Variants in ARMC12 observed in about 807,000 individuals in gnomAD.
ARMC12 encodes the protein armadillo repeat-containing protein 12.
ARMC12 carries 25 observed loss-of-function variants against 37.4 expected under a neutral mutation model. The ratio of observed to expected loss-of-function variants is 0.67; its 90% CI spans 0.49 to 0.93. The LOEUF (loss-of-function observed/expected upper bound fraction) is 0.93, where lower values mean the gene tolerates loss of function less well. ARMC12 is among the 40% of genes least tolerant of loss of function. ARMC12 has a pLI of 0.00. For synonymous variants in ARMC12, 167 were observed against 176.1 expected (o/e 0.95, Z 0.41); for missense variants, 384 against 426.6 (o/e 0.90, Z 0.88).
chr6:35,734,652 A>G (rs1309108726), upstream of ARMC12, among the ~76,000 whole-genome samples: 1 of 151,972 alleles, frequency 6.6e-6, no homozygotes, highest in Non-Finnish European at 1.5e-5. Context: ...AATACAAAAA[A>G]TTAGCCTGGT....
chr6:35,738,506 G>A lies in ARMC12; in HGVS notation c.432G>A (p.Arg144=), dbSNP rs143081534. ...LKAFSGIRKF[R]LKIQEHSIKV... ...CTTTCTCTGGCATCAGAAAATTCAG[G>A]CTCAAAATCCAGGTGAGCCCAGGGA... The change falls in exon 3 of 6, where the codon AGG becomes AGA. Residue 144 remains arginine, a synonymous_variant. Coordinates refer to ENST00000373866, the MANE Select transcript of ARMC12 (RefSeq NM_001286574.2). 188 of 1,613,918 alleles carry A rather than the reference G, an allele frequency of 1.2e-4. No homozygotes were observed. Among genetic ancestry groups the A allele is most frequent in the Non-Finnish European group, 1.4e-4 (171 of 1,180,000 alleles).
chr6:35,742,688 A>G (rs1767210700), intron 3 of ARMC12, among the ~76,000 whole-genome samples: 1 of 151,974 alleles, frequency 6.6e-6, no homozygotes, highest in Non-Finnish European at 1.5e-5. Flanking sequence ...CCTTGATCTC[A>G]ATTTCCATCT....
At chr6:35,734,491 G>A (rs187223806), upstream of ARMC12, among the ~76,000 whole-genome samples, 2 of 152,302 alleles carry the variant, frequency 1.3e-5, no homozygotes, top group East Asian at 3.9e-4. Context: ...TCTCAAAATA[G>A]GAGTGACATC....
chr6:35,736,951 C>T, upstream of ARMC12: 1 of 1,158,400 alleles, frequency 8.6e-7, no homozygotes, highest in South Asian at 1.5e-5. Flanking sequence ...ATTTCCTGAC[C>T]ACTGCCCTCC....
Position 35,738,074 on chromosome 6 carries a change from C to A in ARMC12, c.211C>A (p.Arg71=). 2 of 1,613,980 alleles carry A rather than the reference C, an allele frequency of 1.2e-6. No homozygotes were observed. Among genetic ancestry groups the A allele is most frequent in the Non-Finnish European group, 1.7e-6 (2 of 1,180,032 alleles). ...GCACGGGCGGGACTCAGGTGAGCTC[C>A]GGAGGCTCCTCAACTCTTTGGAGTG... ...ERHGRDSGEL[R]RLLNSLECKQ... The change falls in exon 2 of 6, where the codon CGG becomes AGG. Residue 71 remains arginine (R), a synonymous_variant. Coordinates refer to ENST00000373866, the MANE Select transcript of ARMC12 (RefSeq NM_001286574.2).
the ARMC12 span, among the ~76,000 whole-genome samples, chr6:35,731,643 C>T: frequency 7.9e-5 from 12 of 152,170 alleles, no homozygotes; most frequent in African/African-American, 2.7e-4. Flanking sequence ...CTAAGCCCGC[C>T]TGGCCGCCCT....
chr6:35,738,561 G>A (rs772799125), intron 3 of ARMC12, 43 bp downstream of exon 3: 3 of 1,601,054 alleles, frequency 1.9e-6, no homozygotes, highest in Non-Finnish European at 2.6e-6. Flanking sequence ...GATGTCTATA[G>A]TCCTTAAGTC....
intron 3 of ARMC12, among the ~76,000 whole-genome samples, chr6:35,743,497 C>A (rs974354206): frequency 2.6e-5 from 4 of 152,276 alleles, no homozygotes; most frequent in African/African-American, 9.6e-5. Flanking sequence ...GGATTAAAGG[C>A]GTGAGCCACT....
At chr6:35,747,699 GA>G in intron 5 of ARMC12, 52 bp downstream of exon 5, 2 of 1,565,738 alleles carry the variant, frequency 1.3e-6, no homozygotes, top group Non-Finnish European at 8.8e-7. Context: ...GGTATAGGGG[GA>G]GGGAAGAATC....
intron 1 of ARMC12, 180 bp downstream of exon 1, chr6:35,737,451 G>A (rs1351513731): frequency 6.5e-7 from 1 of 1,543,108 alleles, no homozygotes; most frequent in Non-Finnish European, 8.7e-7. Flanking sequence ...AGAGATGCTA[G>A]CTCAGGGTCC....
At chr6:35,737,919 G>A (rs894340726) in intron 1 of ARMC12, 108 bp from the exon 2 acceptor site, 28 of 1,537,510 alleles carry the variant, frequency 1.8e-5, no homozygotes, top group African/African-American at 9.5e-5. Flanking sequence ...AGGCTTCTCC[G>A]AAAAGGCAAG....
At chr6:35,735,924 C>T (rs773814402), upstream of ARMC12, 4 of 152,174 alleles carry the variant, frequency 2.6e-5, no homozygotes, top group Non-Finnish European at 5.9e-5. The surrounding 1 kb of genome is among the most constrained non-coding windows in gnomAD (Gnocchi z 4.0). Context: ...ACAGACTTAC[C>T]CACATTTTAA....
upstream of ARMC12, among the ~76,000 whole-genome samples, chr6:35,732,570 G>T (rs1055160340): frequency 6.6e-6 from 1 of 152,222 alleles, no homozygotes; most frequent in African/African-American, 2.4e-5. Context: ...ATGCGCACAA[G>T]TGCTGGGCCG....
At chr6:35,745,920 C>T (rs945596843) in intron 3 of ARMC12, among the ~76,000 whole-genome samples, 6 of 152,122 alleles carry the variant, frequency 3.9e-5, no homozygotes, top group South Asian at 2.1e-4. Context: ...GTGGCGTACA[C>T]CTGTAATCCC....
Position 35,747,601 on chromosome 6 carries a change from A to G in ARMC12, c.644A>G (p.Tyr215Cys). ...AQVQAVRLLS[Y>C]LAQKNDLLYD... The stretch of plus-strand genomic sequence containing the variant: ...GTGCAAGCCGTACGACTGCTGAGCT[A>G]CCTGGCACAGAAGAATGACCTTCTC... The change falls in exon 5 of 6, where the codon TAC (tyrosine) becomes TGC (cysteine). Residue 215 changes from tyrosine (Y) to cysteine (C), a missense_variant. Tyr to Cys is a radical substitution (Grantham distance 194). Transcript: ENST00000373866. 1 of 1,614,194 alleles carries G rather than the reference A, an allele frequency of 6.2e-7. No individual in the cohort carries two copies. The highest frequency in any genetic ancestry group is 8.5e-7 in the Non-Finnish European group (1 of 1,180,020).
At chr6:35,736,017 C>T (rs1057417090), upstream of ARMC12, 14 of 152,226 alleles carry the variant, frequency 9.2e-5, no homozygotes, top group African/African-American at 3.4e-4. Flanking sequence ...ATCCCTTTCT[C>T]CTCCAAGGTC....
chr6:35,743,914 C>T (rs1767253429), intron 3 of ARMC12, among the ~76,000 whole-genome samples: 1 of 147,022 alleles, frequency 6.8e-6, no homozygotes, highest in African/African-American at 2.5e-5. Flanking sequence ...CATTGCACTC[C>T]AGCCTGTTTG....
chr6:35,738,517 AG>A lies in ARMC12; in HGVS notation c.444+1del. ...SGIRKFRLKI[Q>X]EHSIKVLELI... ...ATCAGAAAATTCAGGCTCAAAATCC[AG>A]GTGAGCCCAGGGATGCGTGGTGGGG... On this transcript the variant is annotated frameshift_variant and splice_region_variant, in exon 3 of 6. Transcript: ENST00000373866. LOFTEE classifies it high-confidence loss of function. 1 of 1,614,022 alleles carries A rather than the reference AG, an allele frequency of 6.2e-7. No individual in the cohort carries two copies. Among genetic ancestry groups the A allele is most frequent in the Non-Finnish European group, 8.5e-7 (1 of 1,179,986 alleles).
chr6:35,748,993 G>T lies in ARMC12; in HGVS notation c.*123G>T. 1.0e-6 allele frequency: 1 copy of T among 983,678 alleles called. No homozygotes were observed. Among genetic ancestry groups the T allele is most frequent in the Non-Finnish European group, 1.5e-6 (1 of 683,532 alleles). 60.9% of individuals were successfully genotyped at this position (983,678 alleles called of 1,614,324 possible). A position where few individuals can be genotyped will look rare whatever the true frequency, so the allele number is the denominator to read the frequency against. On this transcript the variant is annotated 3_prime_UTR_variant, in exon 6 of 6. Coordinates refer to ENST00000373866, the MANE Select transcript of ARMC12 (RefSeq NM_001286574.2). ...CATTCAGCATAACCTCTGCTCCAGA[G>T]TGTGGTACAGCATGGGCTTATCTCT...
Sources: allele counts gnomAD v4.1 joint callset (sites outside exome capture counted in the v4.1 genomes callset), GRCh38; gene constraint gnomAD v4.1.1; non-coding constraint Gnocchi (gnomAD v3.1); transcripts MANE v1.5; gene names NCBI Gene and HGNC (gene_info 2026-07-23, HGNC 2026-07-21).